Variants in FMN2 observed in about 807,000 individuals in gnomAD.
FMN2 encodes formin 2.
Under a neutral mutation model 142.3 loss-of-function variants are expected in FMN2, and 51 were observed. The observed-to-expected ratio is 0.36, with a 90% CI of 0.29 to 0.45. The LOEUF (loss-of-function observed/expected upper bound fraction) is 0.45. Among genes scored for constraint, FMN2 ranks in the 20% least tolerant of loss-of-function variants. FMN2 has a pLI of 1.00. For missense variants in FMN2, 1,936 were observed against 2,122.8 expected, an observed-to-expected ratio of 0.91 and a Z score of 1.73; for synonymous variants, 882 against 869.8, an observed-to-expected ratio of 1.01 and a Z score of -0.25.
At position 240,093,255 on chromosome 1, in the gene FMN2, G is replaced by A. The variant is rs751274958; in HGVS notation, c.1146G>A (p.Pro382=). Residue 382 remains proline, a synonymous_variant, in exon 1 of 18, where the codon CCG becomes CCA. Coordinates refer to ENST00000319653, the MANE Select transcript of FMN2 (RefSeq NM_020066.5). ...CCCCGCAGAGGCTGGGGGAAGAGCC[G>A]GAGGAGGAGGCGCAAGGACCTGACG... The part of the protein sequence containing the change: ...EDAPQRLGEE[P]EEEAQGPDAP... 62 of 1,584,736 alleles carry A rather than the reference G, an allele frequency of 3.9e-5. 1 individual carries two copies. The highest frequency in any genetic ancestry group is 9.1e-5 in the East Asian group (4 of 44,066).
At chr1:240,413,725 A>G (rs576154479) in intron 15 of FMN2, among the ~76,000 whole-genome samples, 3 of 152,340 alleles carry the variant, frequency 2.0e-5, no homozygotes, top group East Asian at 3.9e-4. Flanking sequence ...TTTGGACATC[A>G]TAGGAGATGG....
chr1:240,176,706 A>G (rs1664931102), intron 2 of FMN2, among the ~76,000 whole-genome samples: 1 of 152,358 alleles, frequency 6.6e-6, no homozygotes, highest in East Asian at 1.9e-4. Flanking sequence ...GATATTCAGT[A>G]TGCTAAATAG....
intron 7 of FMN2, among the ~76,000 whole-genome samples, chr1:240,293,472 A>G (rs903802799): frequency 6.6e-6 from 1 of 152,196 alleles, no homozygotes; most frequent in Non-Finnish European, 1.5e-5. Context: ...AATTCCATAC[A>G]TAAATTTACT....
At chr1:240,336,580 A>C (rs1671566810) in intron 13 of FMN2, among the ~76,000 whole-genome samples, 1 of 139,938 alleles carries the variant, frequency 7.1e-6, no homozygotes, top group Non-Finnish European at 1.5e-5. Context: ...AAAAAAAAAA[A>C]AAGGTGGTTG....
chr1:240,344,979 G>A (rs549166607), intron 13 of FMN2, among the ~76,000 whole-genome samples: 7 of 152,102 alleles, frequency 4.6e-5, no homozygotes, highest in Admixed American at 3.9e-4. Context: ...TAAAAACATG[G>A]TCTACACATA....
chr1:240,358,869 G>A (rs1237017760), intron 14 of FMN2, among the ~76,000 whole-genome samples: 1 of 152,136 alleles, frequency 6.6e-6, no homozygotes, highest in Non-Finnish European at 1.5e-5. Context: ...AGGCCCAGTG[G>A]CTCACTCCCA....
intron 2 of FMN2, chr1:240,143,120 G>T (rs1034902447): frequency 1.9e-6 from 3 of 1,553,762 alleles, no homozygotes; most frequent in Admixed American, 3.3e-5. Flanking sequence ...CCATGAAGAG[G>T]TCGTTGGGGT....
At chr1:240,131,833 G>A (rs1207871338) in intron 2 of FMN2, among the ~76,000 whole-genome samples, 1 of 152,216 alleles carries the variant, frequency 6.6e-6, no homozygotes, top group East Asian at 1.9e-4. Context: ...AAGGAGACCA[G>A]GGATGTAAAC....
chr1:240,457,914 A>G (rs549433092), intron 16 of FMN2: 2 of 152,388 alleles, frequency 1.3e-5, no homozygotes, highest in South Asian at 4.1e-4. Flanking sequence ...CACTACTGCT[A>G]GTGCTAGGGT....
intron 3 of FMN2, among the ~76,000 whole-genome samples, chr1:240,185,432 A>G (rs79813427): frequency 2.3e-3 from 347 of 152,336 alleles, no homozygotes; most frequent in Non-Finnish European, 3.9e-3. Context: ...TAACACACAG[A>G]TTCAAACAAA....
chr1:240,132,753 T>C (rs1018508679), intron 2 of FMN2, among the ~76,000 whole-genome samples: 1 of 152,090 alleles, frequency 6.6e-6, no homozygotes, highest in Non-Finnish European at 1.5e-5. Context: ...TGGAATACTC[T>C]CTAGATGATC....
At position 240,098,270 on chromosome 1, in the gene FMN2, T is replaced by G. The variant is rs139815095; in HGVS notation, c.1615+4546T>G. On this transcript the variant is annotated intron_variant, in intron 1 of 17. Coordinates refer to ENST00000319653, the MANE Select transcript of FMN2 (RefSeq NM_020066.5). ...GCGCCCATGACCACACCCAGCTAAT[T>G]TTTGTATTTTTAGTAGAGACAGGAT... 7.0e-3 allele frequency among the ~76,000 whole-genome samples: 1,062 copies of G among 151,778 alleles called. 15 individuals carry two copies. The highest frequency in any genetic ancestry group is 0.024 in the African/African-American group (1,001 of 41,330).
At chr1:240,468,966 G>A (rs887367514) in intron 16 of FMN2, among the ~76,000 whole-genome samples, 1 of 152,188 alleles carries the variant, frequency 6.6e-6, no homozygotes, top group Non-Finnish European at 1.5e-5. Context: ...GTGGAAAAAT[G>A]TCTTGTTGTC....
chr1:240,393,388 A>G (rs1175757645), intron 15 of FMN2, among the ~76,000 whole-genome samples: 2 of 152,188 alleles, frequency 1.3e-5, no homozygotes, highest in East Asian at 3.9e-4. Context: ...CTGGGACACC[A>G]TGACCTGACC....
rs367554600 is a variant in FMN2, at chr1:240,207,069, G to T, written c.2257G>T (p.Gly753Trp). ...SIQTSPTEEGGVLTLPPVDGL... is the reference protein window; with the variant it reads ...SIQTSPTEEGWVLTLPPVDGL... ...ACAGACTTCCCCCACGGAAGAGGGC[G>T]GGGTGCTGACACTGCCTCCTGTGGA... The change falls in exon 5 of 18, where the codon GGG (glycine) becomes TGG (tryptophan). Residue 753 changes from glycine to tryptophan, a missense_variant. By Grantham distance (184) the Gly-to-Trp change is radical. Transcript: ENST00000319653. 81 of 1,613,984 alleles carry T rather than the reference G, an allele frequency of 5.0e-5. 1 individual carries two copies. The highest frequency in any genetic ancestry group is 4.2e-4 in the East Asian group (19 of 44,878).
chr1:240,280,829 T>G (rs556456644), intron 7 of FMN2, among the ~76,000 whole-genome samples: 1 of 152,262 alleles, frequency 6.6e-6, no homozygotes, highest in East Asian at 1.9e-4. Context: ...CAAATAAATC[T>G]TATCTAAACA....
intron 14 of FMN2, among the ~76,000 whole-genome samples, chr1:240,376,300 G>T (rs1049496444): frequency 1.3e-5 from 2 of 151,994 alleles, no homozygotes; most frequent in Admixed American, 6.6e-5. Context: ...TTTAATTGGG[G>T]ACATTTAGAA....
At chr1:240,394,635 T>G (rs1364293486) in intron 15 of FMN2, among the ~76,000 whole-genome samples, 1 of 152,164 alleles carries the variant, frequency 6.6e-6, no homozygotes, top group Non-Finnish European at 1.5e-5. Context: ...CATCTAGGAT[T>G]TTCATAGCTA....
At chr1:240,229,040 C>T (rs965193141) in intron 6 of FMN2, among the ~76,000 whole-genome samples, 1 of 151,584 alleles carries the variant, frequency 6.6e-6, no homozygotes, top group Non-Finnish European at 1.5e-5. Context: ...TGGTGACTTT[C>T]GGACACAGTC....
Sources: allele counts gnomAD v4.1 joint callset (sites outside exome capture counted in the v4.1 genomes callset), GRCh38; gene constraint gnomAD v4.1.1; transcripts MANE v1.5; gene names NCBI Gene and HGNC (gene_info 2026-07-23, HGNC 2026-07-21).